Variants in CEP120 observed in about 807,000 individuals in gnomAD.
CEP120 encodes the protein centrosomal protein 120.
In CEP120, 113 loss-of-function variants were observed where a neutral mutation model predicts 126.5. That is an observed-to-expected ratio of 0.89 (90% CI 0.77 to 1.04). The LOEUF (loss-of-function observed/expected upper bound fraction) is 1.04. Among genes scored for constraint, CEP120 ranks in the 50% least tolerant of loss-of-function variants. CEP120 has a pLI of 0.00. For missense variants in CEP120, 1,230 were observed against 1,155.7 expected, an observed-to-expected ratio of 1.06 and a Z score of -0.93; for synonymous variants, 400 against 394.3, an observed-to-expected ratio of 1.01 and a Z score of -0.17.
chr5:123,399,258 GGT>G lies in CEP120; in HGVS notation c.488_489del (p.Asp163AlafsTer10). On this transcript the variant is annotated frameshift_variant, in exon 5 of 20. Transcript: ENST00000306467. LOFTEE classifies it high-confidence loss of function. Reference sequence around the variant, plus strand: ...TTCAGCACAGCCACAATGTCCCTGGGGTCAAGTCCAGCCAGGATGGCAGGTAC... The same window carrying G: ...TTCAGCACAGCCACAATGTCCCTGGGCAAGTCCAGCCAGGATGGCAGGTAC... ...GKVPAILAGL[D>X]PRDIVAVLNE... The G allele has an allele frequency of 6.2e-7, 1 of 1,613,970 alleles. No individual in the cohort carries two copies. The highest frequency in any genetic ancestry group is 8.5e-7 in the Non-Finnish European group (1 of 1,179,966).
chr5:123,369,930 C>T (rs1341904654), intron 17 of CEP120, among the ~76,000 whole-genome samples: 1 of 151,984 alleles, frequency 6.6e-6, no homozygotes, highest in Non-Finnish European at 1.5e-5. Context: ...CAATAAATAG[C>T]TGGTGAAATG....
Position 123,391,407 on chromosome 5 carries a change from A to G in CEP120, c.811-70T>C, listed in dbSNP as rs563048539. The G allele has an allele frequency of 3.0e-5, 37 of 1,222,088 alleles. No homozygotes were observed. In the African/African-American group the frequency reaches 4.2e-4, roughly 14 times the overall value. The allele number at this position is 1,222,088 out of a possible 1,614,324, so 75.7% of individuals were successfully genotyped here. ...CTTTCTCCTAAATATCATAAACTTA[A>G]TAAGAAGTTGTAAAATGATGCATGG... On this transcript the variant is annotated intron_variant, in intron 6 of 19. Transcript: ENST00000306467.
intron 17 of CEP120, among the ~76,000 whole-genome samples, chr5:123,367,406 T>TTA (rs1007736064): frequency 9.2e-4 from 140 of 151,850 alleles, no homozygotes; most frequent in African/African-American, 3.1e-3. Flanking sequence ...GAAGCTATAT[T>TTA]TATATATATA....
intron 18 of CEP120, among the ~76,000 whole-genome samples, chr5:123,357,213 T>G (rs1769700083): frequency 6.6e-6 from 1 of 152,068 alleles, no homozygotes; most frequent in African/African-American, 2.4e-5. Context: ...GCTTTTAAGG[T>G]TTTTCTTTGC....
chr5:123,408,897 A>G (rs2127118084), intron 4 of CEP120, among the ~76,000 whole-genome samples: 1 of 152,312 alleles, frequency 6.6e-6, no homozygotes, highest in Admixed American at 6.5e-5. Flanking sequence ...TAGCAAATCA[A>G]ATCCATCAGT....
rs754300502 is a variant in CEP120, at chr5:123,346,529, G to T, written c.2951C>A (p.Ala984Asp). The T allele has an allele frequency of 1.9e-6, 3 of 1,607,408 alleles. No homozygotes were observed. The highest frequency in any genetic ancestry group is 2.6e-6 in the Non-Finnish European group (3 of 1,176,414). ...CTTTTCCAAATGTTATTAATTACTG[G>T]CATTGCTTTTTGCCAAAATCTCTCT... ...QIREILAKSN[A>D]SN is the part of the protein sequence containing the mutation. The change falls in exon 20 of 20, where the codon GCC becomes GAC. Residue 984 changes from alanine (A) to aspartate (D), a missense_variant. Ala to Asp is a moderately radical substitution (Grantham distance 126). Transcript: ENST00000306467.
Position 123,377,365 on chromosome 5 carries a change from T to G in CEP120, c.2358+9A>C, listed in dbSNP as rs570871479. 27 of 1,603,874 alleles carry G rather than the reference T, an allele frequency of 1.7e-5. No homozygotes were observed. The African/African-American group carries it at 2.4e-4, about 14-fold the overall frequency. ...TAAGCATAAAAAGATGACAAGTACG[T>G]TATCCAACCTGTTGCTGAAGGCGGT... is the stretch of plus-strand genomic sequence containing the variant. On this transcript the variant is annotated intron_variant, in intron 16 of 19. Transcript: ENST00000306467.
At chr5:123,409,991 AC>A (rs1773936159) in intron 4 of CEP120, among the ~76,000 whole-genome samples, 2 of 49,428 alleles carry the variant, frequency 4.0e-5, no homozygotes, top group African/African-American at 6.6e-5. Flanking sequence ...AAAAAAAAAA[AC>A]CACACACACA....
chr5:123,360,845 G>C (rs1255311131), intron 18 of CEP120, among the ~76,000 whole-genome samples: 4 of 151,748 alleles, frequency 2.6e-5, no homozygotes, highest in Non-Finnish European at 4.4e-5. Context: ...CTAACCAAAA[G>C]TCAGGAATTT....
At chr5:123,353,179 T>G (rs1561992105) in intron 18 of CEP120, among the ~76,000 whole-genome samples, 1 of 151,994 alleles carries the variant, frequency 6.6e-6, no homozygotes, top group Admixed American at 6.6e-5. Flanking sequence ...GAGGGAAGGT[T>G]TCTCTCATTT....
chr5:123,365,141 A>G (rs1272401575), intron 17 of CEP120, among the ~76,000 whole-genome samples: 3 of 151,754 alleles, frequency 2.0e-5, no homozygotes, highest in Non-Finnish European at 4.4e-5. Context: ...AGTCAAAAAT[A>G]TTTTAAGAAT....
chr5:123,402,189 C>A, intron 4 of CEP120: 8 of 1,568,510 alleles, frequency 5.1e-6, no homozygotes, highest in Non-Finnish European at 7.0e-6. Context: ...ACCACAGCCG[C>A]CGCCCAGGCC....
chr5:123,361,626 T>C (rs775691823), intron 18 of CEP120, among the ~76,000 whole-genome samples: 3 of 151,776 alleles, frequency 2.0e-5, no homozygotes, highest in African/African-American at 7.2e-5. Flanking sequence ...TGCATAACAA[T>C]ATCCCCCAAT....
In CEP120 at chr5:123,422,268, G is replaced by A. The variant is rs947841833; in HGVS notation, c.49+682C>T. Among the ~76,000 whole-genome samples, 28 of 152,060 alleles carry A rather than the reference G, an allele frequency of 1.8e-4. 1 individual carries two copies. The highest frequency in any genetic ancestry group is 3.2e-3 in the Middle Eastern group (1 of 316). On this transcript the variant is annotated intron_variant, in intron 1 of 19. Transcript: ENST00000306467. ...ACCCCAAAAAATGCCACCTCCTCTA[G>A]TGAAACTTCCGCAGTTTCCTTAGAC...
chr5:123,403,858 A>C (rs866760621), intron 4 of CEP120: 2 of 220,208 alleles, frequency 9.1e-6, no homozygotes, highest in Middle Eastern at 5.4e-4. Context: ...TCAAGGAACT[A>C]TTTCAGAATA....
At chr5:123,399,415 C>T in intron 4 of CEP120, 131 bp from the exon 5 acceptor site, 1 of 794,894 alleles carries the variant, frequency 1.3e-6, no homozygotes, top group Non-Finnish European at 1.9e-6. Flanking sequence ...AATAAGGTTT[C>T]CTTTACTCTC....
At chr5:123,415,903 A>G (rs1774349674) in intron 3 of CEP120, 107 bp downstream of exon 3, 1 of 709,746 alleles carries the variant, frequency 1.4e-6, no homozygotes, top group Non-Finnish European at 2.4e-6. Context: ...GCTCAAGTCT[A>G]TGACTGATCA....
chr5:123,364,682 A>G (rs922572631), intron 17 of CEP120, 88 bp from the exon 18 acceptor site: 2 of 662,608 alleles, frequency 3.0e-6, no homozygotes, highest in Non-Finnish European at 4.9e-6. Flanking sequence ...GTCTGGCTTA[A>G]GAAAAGAGTT....
Position 123,412,482 on chromosome 5 carries a change from T to C in CEP120, c.380A>G (p.Gln127Arg). The change falls in exon 4 of 20, where the codon CAG becomes CGG. Residue 127 changes from glutamine to arginine, a missense_variant. Coordinates refer to ENST00000306467, the MANE Select transcript of CEP120 (RefSeq NM_001375405.1). The part of the protein sequence containing the change: ...NKYTKFKSEI[Q>R]ISIALETDTK... The stretch of plus-strand genomic sequence containing the variant: ...ATCGGTTTCCAAAGCAATACTTATC[T>C]GTATCTCAGACTTGAATTTGGTGTA... 6.2e-7 allele frequency: 1 copy of C among 1,611,950 alleles called. No homozygotes were observed. Among genetic ancestry groups the C allele is most frequent in the Non-Finnish European group, 8.5e-7 (1 of 1,178,936 alleles).
Sources: allele counts gnomAD v4.1 joint callset (sites outside exome capture counted in the v4.1 genomes callset), GRCh38; gene constraint gnomAD v4.1.1; transcripts MANE v1.5; gene names NCBI Gene and HGNC (gene_info 2026-07-23, HGNC 2026-07-21).